The following IL1RAPL2 variants were observed in gnomAD, a reference collection of about 807,000 sequenced individuals.
IL1RAPL2 encodes interleukin 1 receptor accessory protein like 2.
IL1RAPL2 carries 3 observed loss-of-function variants against 44.1 expected under a neutral mutation model. The ratio of observed to expected loss-of-function variants is 0.07; its 90% CI spans 0.03 to 0.18. The LOEUF is 0.18. Among genes scored for constraint, IL1RAPL2 ranks in the 10% least tolerant of loss-of-function variants. The pLI is 1.00. For synonymous variants in IL1RAPL2, 181 were observed against 178.8 expected (o/e 1.01, Z -0.10); for missense variants, 391 against 496.4 (o/e 0.79, Z 2.02).
At chrX:104,726,695 T>C in intron 2 of IL1RAPL2, among the ~76,000 whole-genome samples, 1 of 111,285 alleles carries the variant, frequency 9.0e-6, no homozygotes, top group East Asian at 2.8e-4. Flanking sequence ...CTATTATTGG[T>C]GTATAGGAAT....
intron 3 of IL1RAPL2, among the ~76,000 whole-genome samples, chrX:105,210,477 A>G (rs993534922): frequency 9.1e-5 from 10 of 110,130 alleles, no homozygotes; most frequent in African/African-American, 2.6e-4. Context: ...ATCTGGAGAG[A>G]TTTTTCGTTG....
chrX:104,935,041 AT>A (rs746575804), intron 2 of IL1RAPL2, among the ~76,000 whole-genome samples: 2 of 111,779 alleles, frequency 1.8e-5, no homozygotes, highest in Non-Finnish European at 3.8e-5. Context: ...TTTATATAAA[AT>A]GCTTAATAAA....
chrX:105,392,589 T>C (rs918430269), intron 5 of IL1RAPL2, among the ~76,000 whole-genome samples: 29 of 111,692 alleles, frequency 2.6e-4, no homozygotes, highest in Non-Finnish European at 2.3e-4. Flanking sequence ...TGAGGAACTT[T>C]GACAGTGACA....
intron 3 of IL1RAPL2, among the ~76,000 whole-genome samples, chrX:105,230,140 C>T (rs2034054934): frequency 8.9e-6 from 1 of 111,875 alleles, no homozygotes; most frequent in Non-Finnish European, 1.9e-5. Context: ...CCTCTTTGAC[C>T]TCCAAGGTTC....
At chrX:104,616,348 G>A (rs990281826) in intron 1 of IL1RAPL2, among the ~76,000 whole-genome samples, 2 of 112,131 alleles carry the variant, frequency 1.8e-5, no homozygotes, top group Admixed American at 9.4e-5. Context: ...AGCTGTCCTT[G>A]TTCATTCATG....
intron 5 of IL1RAPL2, among the ~76,000 whole-genome samples, chrX:105,317,971 T>G (rs1273181166): frequency 2.8e-5 from 3 of 107,869 alleles, no homozygotes; most frequent in African/African-American, 1.0e-4. Flanking sequence ...CTTTCTTTCT[T>G]CTTCTTTTTT....
intron 5 of IL1RAPL2, among the ~76,000 whole-genome samples, chrX:105,475,324 A>G (rs1475392148): frequency 9.0e-6 from 1 of 110,968 alleles, no homozygotes; most frequent in African/African-American, 3.3e-5. Flanking sequence ...GGGTTTGTCT[A>G]GCTCTAAAAT....
chrX:105,481,436 A>G (rs2036232150), intron 5 of IL1RAPL2, among the ~76,000 whole-genome samples: 1 of 112,348 alleles, frequency 8.9e-6, no homozygotes, highest in African/African-American at 3.2e-5. Flanking sequence ...ATATTAGTGA[A>G]TGTCACTTCA....
At chrX:104,973,891 T>C (rs973950164) in intron 2 of IL1RAPL2, among the ~76,000 whole-genome samples, 2 of 112,202 alleles carry the variant, frequency 1.8e-5, no homozygotes, top group African/African-American at 6.5e-5. Flanking sequence ...TTAAATATTC[T>C]TTCTTGCAAA....
intron 6 of IL1RAPL2, among the ~76,000 whole-genome samples, chrX:105,629,746 T>A (rs944038953): frequency 2.7e-5 from 3 of 112,041 alleles, no homozygotes; most frequent in Non-Finnish European, 1.9e-5. Flanking sequence ...ATCCATCTGT[T>A]AAATTATTCA....
At chrX:104,963,545 G>A (rs1317507947) in intron 2 of IL1RAPL2, among the ~76,000 whole-genome samples, 1 of 111,555 alleles carries the variant, frequency 9.0e-6, no homozygotes, top group African/African-American at 3.3e-5. Flanking sequence ...AGTCACCCCT[G>A]GATCTTGTTG....
chrX:105,056,414 T>A, intron 2 of IL1RAPL2, among the ~76,000 whole-genome samples: 1 of 112,048 alleles, frequency 8.9e-6, no homozygotes, highest in South Asian at 3.7e-4. Flanking sequence ...AAAATATGTT[T>A]TGTCATTATA....
chrX:105,250,411 C>T (rs768122937), intron 4 of IL1RAPL2, among the ~76,000 whole-genome samples: 45 of 110,860 alleles, frequency 4.1e-4, no homozygotes, highest in Non-Finnish European at 7.4e-4. Flanking sequence ...TATAAATATT[C>T]GTTCATCAAT....
chrX:105,631,497 A>G (rs2037491774), intron 6 of IL1RAPL2, among the ~76,000 whole-genome samples: 1 of 112,255 alleles, frequency 8.9e-6, no homozygotes, highest in Non-Finnish European at 1.9e-5. Flanking sequence ...TCAGAACACA[A>G]CCCATCTTTC....
chrX:105,752,897 C>G, intron 9 of IL1RAPL2: 1 of 328,599 alleles, frequency 3.0e-6, no homozygotes. Flanking sequence ...ACCATAAGCT[C>G]TTCACCTTTA....
chrX:104,890,533 T>C (rs887286481), intron 2 of IL1RAPL2, among the ~76,000 whole-genome samples: 6 of 112,511 alleles, frequency 5.3e-5, no homozygotes, highest in Admixed American at 9.4e-5. Flanking sequence ...TTGATTTGCA[T>C]TTCTCTGATG....
At chrX:105,600,717 T>TTA (rs1162401200) in intron 6 of IL1RAPL2, among the ~76,000 whole-genome samples, 1 of 109,676 alleles carries the variant, frequency 9.1e-6, no homozygotes, top group Non-Finnish European at 1.9e-5. Flanking sequence ...TGAATAATAT[T>TTA]TATATAGGTA....
intron 2 of IL1RAPL2, among the ~76,000 whole-genome samples, chrX:104,979,995 T>C (rs374361495): frequency 8.9e-6 from 1 of 112,063 alleles, no homozygotes; most frequent in African/African-American, 3.2e-5. Flanking sequence ...GCTACAGATA[T>C]ACTTGTGTAT....
chrX:104,894,647 A>C (rs776883490), intron 2 of IL1RAPL2, among the ~76,000 whole-genome samples: 8 of 112,012 alleles, frequency 7.1e-5, no homozygotes, highest in African/African-American at 2.6e-4. Context: ...CAGGTCATTT[A>C]AGGACTTCTC....
Sources: gnomAD v4.1 joint callset for allele counts (sites outside exome capture counted in the v4.1 genomes callset) on GRCh38, gnomAD v4.1.1 for gene constraint, MANE v1.5 for transcripts, NCBI Gene and HGNC (gene_info 2026-07-23, HGNC 2026-07-21) for gene names.